The following ITSN2 variants were observed in gnomAD, a reference collection of about 807,000 sequenced individuals.
The protein encoded by ITSN2 is intersectin 2.
A neutral mutation model predicts 243.7 loss-of-function variants in ITSN2; 156 were observed. The observed-to-expected ratio is 0.64, with a 90% CI of 0.56 to 0.73. The LOEUF (loss-of-function observed/expected upper bound fraction) is 0.73. ITSN2 is among the 30% of genes least tolerant of loss of function. ITSN2 has a pLI of 0.00. For synonymous variants in ITSN2, 703 were observed against 699.9 expected (o/e 1.00, Z -0.07); for missense variants, 1,801 against 1,996.1 (o/e 0.90, Z 1.86).
chr2:24,356,428 A>T (rs4665261), intron 1 of ITSN2, among the ~76,000 whole-genome samples: 142,919 of 148,172 alleles, frequency 0.96, 68,973 homozygotes, highest in East Asian at 0.99. Context: ...AAATTTTTGC[A>T]ATCTATCCAT....
chr2:24,216,882 G>A (rs907341843), intron 31 of ITSN2, among the ~76,000 whole-genome samples: 1 of 152,176 alleles, frequency 6.6e-6, no homozygotes, highest in Non-Finnish European at 1.5e-5. Flanking sequence ...TCAGGAGATT[G>A]AGACCATCCT....
chr2:24,334,892 T>C (rs1291655284), intron 1 of ITSN2: 9 of 457,832 alleles, frequency 2.0e-5, no homozygotes, highest in Non-Finnish European at 3.2e-5. Context: ...TGAAACCCCG[T>C]CTCTACTAAA....
Position 24,225,778 on chromosome 2 carries a change from A to C in ITSN2, c.3578-4712T>G, listed in dbSNP as rs1185824490. On this transcript the variant is annotated intron_variant, in intron 29 of 39. Transcript: ENST00000355123. The surrounding 1 kb of genome is among the most constrained non-coding windows in gnomAD (Gnocchi z 4.2). ...GTGAGAAACTCTGTGCTACAGAAAA[A>C]TTTGATGAGCTCAGGGTTCCCAACA... 6.6e-6 allele frequency among the ~76,000 whole-genome samples: 1 copy of C among 152,172 alleles called. No individual in the cohort carries two copies. The highest frequency in any genetic ancestry group is 1.9e-4 in the East Asian group (1 of 5,194).
intron 1 of ITSN2, chr2:24,334,410 C>G: frequency 2.3e-6 from 1 of 431,892 alleles, no homozygotes; most frequent in Non-Finnish European, 4.4e-6. Context: ...GGCCAAACCC[C>G]AAACCCCTTG....
At chr2:24,332,689 C>A (rs553197540) in intron 1 of ITSN2, among the ~76,000 whole-genome samples, 1 of 152,296 alleles carries the variant, frequency 6.6e-6, no homozygotes, top group East Asian at 1.9e-4. Context: ...TCTATTCTCT[C>A]TGCCCCACTG....
At chr2:24,208,999 T>G in intron 36 of ITSN2, 101 bp downstream of exon 36, 2 of 1,335,438 alleles carry the variant, frequency 1.5e-6, no homozygotes, top group Non-Finnish European at 2.1e-6. Context: ...GGATACAGAA[T>G]TAGTGGGGCT....
chr2:24,293,466 A>G (rs1274982389), intron 15 of ITSN2: 1 of 311,982 alleles, frequency 3.2e-6, no homozygotes, highest in African/African-American at 2.2e-5. Context: ...CAAGATATGA[A>G]GTCATACCAC....
intron 27 of ITSN2, among the ~76,000 whole-genome samples, chr2:24,247,342 A>C (rs912665974): frequency 2.0e-5 from 3 of 152,208 alleles, no homozygotes; most frequent in African/African-American, 4.8e-5. Flanking sequence ...GGAGAGGACA[A>C]CTGGAAGCTC....
At chr2:24,273,045 A>T (rs974515151) in intron 18 of ITSN2, among the ~76,000 whole-genome samples, 1 of 152,196 alleles carries the variant, frequency 6.6e-6, no homozygotes, top group Non-Finnish European at 1.5e-5. Context: ...AACATTCCTG[A>T]GATTTGTCAG....
At chr2:24,311,744 T>G (rs1683283279) in intron 5 of ITSN2, 1 of 167,206 alleles carries the variant, frequency 6.0e-6, no homozygotes, top group Non-Finnish European at 1.5e-5. Context: ...CTGCAACTTT[T>G]GGCCCTAAAT....
chr2:24,319,623 C>G (rs1684316305), intron 2 of ITSN2, among the ~76,000 whole-genome samples: 1 of 152,184 alleles, frequency 6.6e-6, no homozygotes. Flanking sequence ...TTGGGCAATC[C>G]CTCCAAAAAC....
At chr2:24,206,121 A>T (rs1430591546) in intron 37 of ITSN2, 1 of 304,606 alleles carries the variant, frequency 3.3e-6, no homozygotes, top group Non-Finnish European at 6.7e-6. Context: ...AACCGGATTG[A>T]CATCTTTGGC....
At chr2:24,294,739 C>T (rs1342844936) in intron 14 of ITSN2, among the ~76,000 whole-genome samples, 1 of 152,070 alleles carries the variant, frequency 6.6e-6, no homozygotes, top group Non-Finnish European at 1.5e-5. Flanking sequence ...TAGCAATAAC[C>T]TTATTTTAAT....
At chr2:24,324,881 G>C (rs918157962) in intron 2 of ITSN2, among the ~76,000 whole-genome samples, 2 of 105,098 alleles carry the variant, frequency 1.9e-5, no homozygotes, top group Admixed American at 1.9e-4. Context: ...AAAAAAAAAT[G>C]AACACCTTAA....
intron 14 of ITSN2, 90 bp from the exon 15 acceptor site, chr2:24,293,865 C>A (rs923293640): frequency 1.1e-5 from 5 of 439,884 alleles, no homozygotes; most frequent in Middle Eastern, 6.1e-4. Context: ...ATTTACTCAT[C>A]TTTGAAACTT....
chr2:24,336,329 A>C (rs1478583495), intron 1 of ITSN2, among the ~76,000 whole-genome samples: 2 of 152,064 alleles, frequency 1.3e-5, no homozygotes, highest in South Asian at 2.1e-4. Flanking sequence ...ATAGAACCTA[A>C]ATAAATGTTA....
Position 24,218,083 on chromosome 2 carries a change from A to G in ITSN2, c.3700-70T>C, listed in dbSNP as rs958064745. On this transcript the variant is annotated intron_variant, in intron 30 of 39. Transcript: ENST00000355123. Reference sequence around the variant, plus strand: ...CACAGCCTACGTGTGGTCTAAATCAAACAATGTCTTCATAAACTGAAACTA... The same window carrying G: ...CACAGCCTACGTGTGGTCTAAATCAGACAATGTCTTCATAAACTGAAACTA... The G allele has an allele frequency of 1.2e-5, 12 of 960,912 alleles. No homozygotes were observed. The African/African-American group carries it at 1.9e-4, about 16-fold the overall frequency. The allele number at this position is 960,912 out of a possible 1,614,324, so 59.5% of individuals were successfully genotyped here.
chr2:24,284,930 C>G, intron 16 of ITSN2, 87 bp from the exon 17 acceptor site: 1 of 649,774 alleles, frequency 1.5e-6, no homozygotes, highest in South Asian at 1.7e-5. Context: ...TGGAGTCTCA[C>G]TCTGTCGCCA....
chr2:24,359,413 T>C (rs982026181), intron 1 of ITSN2, among the ~76,000 whole-genome samples: 4 of 152,262 alleles, frequency 2.6e-5, no homozygotes, highest in Admixed American at 1.3e-4. Flanking sequence ...ATTTCTATGC[T>C]AACCTTAATT....
Sources: gnomAD v4.1 joint callset for allele counts (sites outside exome capture counted in the v4.1 genomes callset) on GRCh38, gnomAD v4.1.1 for gene constraint, Gnocchi (gnomAD v3.1) non-coding constraint, MANE v1.5 for transcripts, NCBI Gene and HGNC (gene_info 2026-07-23, HGNC 2026-07-21) for gene names.